The following EYS variants were observed in gnomAD, a reference collection of about 807,000 sequenced individuals.
EYS encodes the protein protein eyes shut homolog.
Under a neutral mutation model 282.1 loss-of-function variants are expected in EYS, and 250 were observed. The ratio of observed to expected loss-of-function variants is 0.89; its 90% CI spans 0.80 to 0.98. EYS has a LOEUF of 0.98. EYS is among the 50% of genes least tolerant of loss of function. EYS has a pLI of 0.00. For missense variants in EYS, 4,016 were observed against 3,709.0 expected (o/e 1.08, Z -2.15); for synonymous variants, 1,355 against 1,282.9 (o/e 1.06, Z -1.20).
intron 26 of EYS, among the ~76,000 whole-genome samples, chr6:64,468,592 T>C (rs1776001982): frequency 6.6e-6 from 1 of 152,192 alleles, no homozygotes; most frequent in African/African-American, 2.4e-5. Context: ...GTACAGATTA[T>C]TTGATCACAC....
At chr6:64,694,850 G>C (rs1770520658) in intron 22 of EYS, among the ~76,000 whole-genome samples, 1 of 152,110 alleles carries the variant, frequency 6.6e-6, no homozygotes, top group Non-Finnish European at 1.5e-5. Flanking sequence ...CAGTTTCACG[G>C]TCTGAAGACA....
intron 22 of EYS, among the ~76,000 whole-genome samples, chr6:64,693,519 T>G (rs780255243): frequency 6.6e-6 from 1 of 152,076 alleles, no homozygotes; most frequent in Non-Finnish European, 1.5e-5. Flanking sequence ...TTTACAGGGG[T>G]GCCAAAGTAA....
chr6:65,291,262 A>T (rs1582106885), intron 12 of EYS, among the ~76,000 whole-genome samples: 1 of 151,538 alleles, frequency 6.6e-6, no homozygotes, highest in Admixed American at 6.6e-5. Context: ...TGATATGTTA[A>T]GAGTGGAGGA....
intron 32 of EYS, among the ~76,000 whole-genome samples, chr6:64,074,942 T>C (rs770985554): frequency 5.4e-4 from 82 of 152,048 alleles, no homozygotes; most frequent in Middle Eastern, 3.4e-3. Flanking sequence ...GTACAATAGC[T>C]CACACTAACT....
intron 12 of EYS, among the ~76,000 whole-genome samples, chr6:65,063,377 A>T (rs1773638126): frequency 6.6e-6 from 1 of 152,024 alleles, no homozygotes; most frequent in Non-Finnish European, 1.5e-5. Flanking sequence ...TTACTTTAAC[A>T]TAAAAATCTC....
At chr6:63,844,084 T>C (rs140027337) in intron 36 of EYS, among the ~76,000 whole-genome samples, 46 of 152,272 alleles carry the variant, frequency 3.0e-4, no homozygotes, top group Middle Eastern at 6.8e-3. Context: ...CAGTTCCCAC[T>C]TGTAAATGAG....
intron 8 of EYS, among the ~76,000 whole-genome samples, chr6:65,378,657 G>T (rs1304181087): frequency 6.6e-6 from 1 of 152,204 alleles, no homozygotes; most frequent in South Asian, 2.1e-4. Flanking sequence ...ATGATAGACT[G>T]GATAAAGAAA....
At chr6:64,898,875 G>C (rs146264005) in intron 18 of EYS, among the ~76,000 whole-genome samples, 1 of 151,550 alleles carries the variant, frequency 6.6e-6, no homozygotes, top group Non-Finnish European at 1.5e-5. Context: ...ATTACATAAC[G>C]GTAAAGGGAT....
chr6:65,484,264 C>A (rs1437770283), intron 5 of EYS, among the ~76,000 whole-genome samples: 1 of 152,076 alleles, frequency 6.6e-6, no homozygotes, highest in Non-Finnish European at 1.5e-5. Context: ...TCAGTTCTCT[C>A]CAAATATTAA....
At chr6:64,432,692 A>G (rs1774611834) in intron 28 of EYS, among the ~76,000 whole-genome samples, 1 of 152,006 alleles carries the variant, frequency 6.6e-6, no homozygotes, top group South Asian at 2.1e-4. Context: ...TGTGCTTTAC[A>G]GAAAATACAT....
At chr6:65,648,314 ATGTGTGTG>A (rs58196369) in intron 1 of EYS, among the ~76,000 whole-genome samples, 19,107 of 147,770 alleles carry the variant, frequency 0.13, 1,341 homozygotes, top group Non-Finnish European at 0.17. Context: ...AAGAAAATAT[ATGTGTGTG>A]TGTGTGTGTG....
intron 31 of EYS, among the ~76,000 whole-genome samples, chr6:64,106,660 T>C (rs1773023063): frequency 6.6e-6 from 1 of 151,656 alleles, no homozygotes; most frequent in South Asian, 2.1e-4. Context: ...GTGTGTGTTT[T>C]TGGCATTTAT....
intron 36 of EYS, chr6:63,821,713 AC>A (rs1771329923): frequency 6.6e-6 from 1 of 152,250 alleles, no homozygotes; most frequent in African/African-American, 2.4e-5. Context: ...CAAATGAACC[AC>A]CTTAAGAGAC....
intron 29 of EYS, among the ~76,000 whole-genome samples, chr6:64,327,877 A>AC (rs896629717): frequency 6.6e-6 from 1 of 152,104 alleles, no homozygotes; most frequent in African/African-American, 2.4e-5. Flanking sequence ...AGAAGAAAGC[A>AC]CCCCTCAGGC....
At chr6:63,875,989 T>G (rs1772958963) in intron 35 of EYS, among the ~76,000 whole-genome samples, 2 of 152,230 alleles carry the variant, frequency 1.3e-5, no homozygotes, top group South Asian at 4.1e-4. Flanking sequence ...TGCTCTGATC[T>G]TAGTTATTTC....
At chr6:65,308,003 C>G (rs935145090) in intron 11 of EYS, among the ~76,000 whole-genome samples, 4 of 149,514 alleles carry the variant, frequency 2.7e-5, no homozygotes, top group African/African-American at 7.4e-5. Context: ...GAGATGATGT[C>G]TCACTGTCAT....
At chr6:64,546,028 G>C (rs999588103) in intron 26 of EYS, among the ~76,000 whole-genome samples, 10 of 152,234 alleles carry the variant, frequency 6.6e-5, no homozygotes, top group African/African-American at 2.4e-4. Context: ...CTACTTTAAA[G>C]TTCATATGGA....
At chr6:64,566,130 A>C (rs1765561077) in intron 26 of EYS, among the ~76,000 whole-genome samples, 1 of 152,034 alleles carries the variant, frequency 6.6e-6, no homozygotes, top group Non-Finnish European at 1.5e-5. Context: ...TTTCATTATG[A>C]TATTCTATAT....
chr6:64,044,578 G>A (rs1184381398), intron 33 of EYS, among the ~76,000 whole-genome samples: 5 of 152,134 alleles, frequency 3.3e-5, no homozygotes, highest in Non-Finnish European at 5.9e-5. Context: ...AGCTCCATTG[G>A]TTACTTAATG....
Sources: gnomAD v4.1 joint callset for allele counts (sites outside exome capture counted in the v4.1 genomes callset) on GRCh38, gnomAD v4.1.1 for gene constraint, MANE v1.5 for transcripts, NCBI Gene and HGNC (gene_info 2026-07-23, HGNC 2026-07-21) for gene names.